Variants in PRKCE observed in about 807,000 individuals in gnomAD.
PRKCE encodes protein kinase C epsilon.
Under a neutral mutation model 85.4 loss-of-function variants are expected in PRKCE, and 16 were observed. The ratio of observed to expected loss-of-function variants is 0.19; its 90% CI spans 0.13 to 0.28. The LOEUF is 0.28. Ranked by LOEUF, PRKCE falls within the 10% of genes least tolerant of loss-of-function variation. The probability of loss-of-function intolerance (pLI) is 1.00; values close to 1 mark genes in which losing one functional copy is unlikely to be tolerated. For missense variants in PRKCE, 573 were observed against 975.2 expected, an observed-to-expected ratio of 0.59 and a Z score of 5.49; for synonymous variants, 388 against 371.5, an observed-to-expected ratio of 1.04 and a Z score of -0.51.
intron 2 of PRKCE, among the ~76,000 whole-genome samples, chr2:45,943,510 T>A (rs1044337093): frequency 1.3e-5 from 2 of 152,234 alleles, no homozygotes; most frequent in African/African-American, 4.8e-5. Flanking sequence ...TAATTTAGTT[T>A]TACAAGATTA....
intron 1 of PRKCE, among the ~76,000 whole-genome samples, chr2:45,660,792 T>G (rs666214): frequency 0.88 from 134,080 of 152,238 alleles, 59,283 homozygotes; most frequent in African/African-American, 0.96. Context: ...CTAATCAGCA[T>G]GGTTGCACCT....
At chr2:45,921,920 G>GTA (rs1698278118) in intron 2 of PRKCE, among the ~76,000 whole-genome samples, 1 of 152,188 alleles carries the variant, frequency 6.6e-6, no homozygotes, top group African/African-American at 2.4e-5. Context: ...ATTTGGTTTA[G>GTA]TAGTGGAGAT....
intron 11 of PRKCE, among the ~76,000 whole-genome samples, chr2:46,091,826 C>G (rs904328890): frequency 6.6e-6 from 1 of 152,190 alleles, no homozygotes; most frequent in Non-Finnish European, 1.5e-5. Flanking sequence ...TTATCCATCC[C>G]GGTCTCCAAA....
intron 1 of PRKCE, among the ~76,000 whole-genome samples, chr2:45,795,570 A>C (rs1687374525): frequency 6.6e-6 from 1 of 152,168 alleles, no homozygotes; most frequent in South Asian, 2.1e-4. Flanking sequence ...TCAGCCTTCC[A>C]AAATGCTGGG....
At chr2:45,849,106 C>T (rs527901500) in intron 2 of PRKCE, among the ~76,000 whole-genome samples, 2 of 152,308 alleles carry the variant, frequency 1.3e-5, no homozygotes, top group South Asian at 4.1e-4. Flanking sequence ...GTATTGCAGG[C>T]AGAAATTTTC....
intron 1 of PRKCE, among the ~76,000 whole-genome samples, chr2:45,828,729 A>G (rs373203718): frequency 6.6e-6 from 1 of 152,148 alleles, no homozygotes; most frequent in Non-Finnish European, 1.5e-5. Flanking sequence ...TTACCTATAA[A>G]TGAGAGGAGT....
At position 46,165,355 on chromosome 2, in the gene PRKCE, G is replaced by A. The variant is rs138106833; in HGVS notation, c.2067+5603G>A. The stretch of plus-strand genomic sequence containing the variant: ...CCATCAACACCAAACCAAAGACTTT[G>A]CACCATCATGTACTCAAGTCAATTT... On this transcript the variant is annotated intron_variant, in intron 14 of 14. Transcript: ENST00000306156. Among the ~76,000 whole-genome samples the A allele has an allele frequency of 7.3e-4, 111 of 152,318 alleles. No individual in the cohort carries two copies. The East Asian group carries it at 0.012, about 17-fold the overall frequency.
chr2:45,858,846 G>C (rs1259562954), intron 2 of PRKCE, among the ~76,000 whole-genome samples: 1 of 151,972 alleles, frequency 6.6e-6, no homozygotes, highest in East Asian at 1.9e-4. Flanking sequence ...TTTGAGACCA[G>C]CCTGGCCAAC....
intron 1 of PRKCE, among the ~76,000 whole-genome samples, chr2:45,655,335 C>A (rs1166987491): frequency 6.7e-6 from 1 of 149,896 alleles, no homozygotes; most frequent in Non-Finnish European, 1.5e-5. Flanking sequence ...TTTCCTAAAA[C>A]GTTATAAGTT....
At chr2:45,768,154 C>A (rs763813222) in intron 1 of PRKCE, among the ~76,000 whole-genome samples, 1 of 152,212 alleles carries the variant, frequency 6.6e-6, no homozygotes, top group Non-Finnish European at 1.5e-5. Flanking sequence ...TCTTCTCCTC[C>A]AGATGTTTCC....
At chr2:45,869,704 C>CT (rs1246509613) in intron 2 of PRKCE, among the ~76,000 whole-genome samples, 45 of 116,886 alleles carry the variant, frequency 3.8e-4, no homozygotes, top group South Asian at 9.5e-4. Context: ...GTTTCTCTCT[C>CT]TCTTTTTTTT....
chr2:46,026,117 T>C (rs1707091267), intron 10 of PRKCE, among the ~76,000 whole-genome samples: 1 of 152,244 alleles, frequency 6.6e-6, no homozygotes, highest in Non-Finnish European at 1.5e-5. Context: ...GAAGACACTA[T>C]TGAGCATGAA....
rs538198653 is a variant in PRKCE, at chr2:45,895,042, A to T, written c.412+51979A>T. 6.6e-6 allele frequency among the ~76,000 whole-genome samples: 1 copy of T among 152,354 alleles called. No individual in the cohort carries two copies. Among genetic ancestry groups the T allele is most frequent in the Non-Finnish European group, 1.5e-5 (1 of 68,036 alleles). Reference sequence around the variant, plus strand: ...CCCCGTTCGTTTGTTTTGAGTGAACACATAAATGTCATCAATGATTCCGTC... The same window carrying T: ...CCCCGTTCGTTTGTTTTGAGTGAACTCATAAATGTCATCAATGATTCCGTC... On this transcript the variant is annotated intron_variant, in intron 2 of 14. Transcript: ENST00000306156. The surrounding 1 kb of genome is among the most constrained non-coding windows in gnomAD (Gnocchi z 4.8).
At chr2:46,153,953 A>AT (rs1202393020) in intron 13 of PRKCE, among the ~76,000 whole-genome samples, 1 of 151,448 alleles carries the variant, frequency 6.6e-6, no homozygotes, top group Non-Finnish European at 1.5e-5. Flanking sequence ...TGCCTGGCTA[A>AT]TTTTTGTATT....
rs1450225790 is a variant in PRKCE, at chr2:46,004,897, A to C, written c.1063+259A>C. On this transcript the variant is annotated intron_variant, in intron 8 of 14. Transcript: ENST00000306156. The surrounding 1 kb of genome is among the most constrained non-coding windows in gnomAD (Gnocchi z 4.1). Reference sequence around the variant, plus strand: ...AAGAGGAGAGCGAGTGTATGATGTTATGGTTATCTGTTTTCCCTTGCCTCT... The same window carrying C: ...AAGAGGAGAGCGAGTGTATGATGTTCTGGTTATCTGTTTTCCCTTGCCTCT... 1.3e-5 allele frequency among the ~76,000 whole-genome samples: 2 copies of C among 151,954 alleles called. No individual in the cohort carries two copies. The highest frequency in any genetic ancestry group is 4.8e-5 in the African/African-American group (2 of 41,354).
chr2:45,893,353 C>CTTTTTTTTTTT (rs61708342), intron 2 of PRKCE, among the ~76,000 whole-genome samples: 2 of 136,408 alleles, frequency 1.5e-5, no homozygotes, highest in Non-Finnish European at 3.1e-5. Flanking sequence ...CTTTTCTTTT[C>CTTTTTTTTTTT]TTTTTTTTTT....
intron 11 of PRKCE, among the ~76,000 whole-genome samples, chr2:46,137,452 T>G (rs2104443942): frequency 6.6e-6 from 1 of 152,170 alleles, no homozygotes; most frequent in Middle Eastern, 3.4e-3. Flanking sequence ...GCTAGAGACA[T>G]GAACAGTCAG....
At chr2:45,656,081 G>C (rs946319258) in intron 1 of PRKCE, among the ~76,000 whole-genome samples, 4 of 152,106 alleles carry the variant, frequency 2.6e-5, no homozygotes, top group African/African-American at 9.7e-5. Context: ...GAAAGGAGTG[G>C]GCAGGACAAG....
rs578050347 is a variant in PRKCE at position 45,755,205 on chromosome 2, G to A, written c.349-87795G>A. Among the ~76,000 whole-genome samples, 15 of 152,286 alleles carry A rather than the reference G, an allele frequency of 9.8e-5. No individual in the cohort carries two copies. In the East Asian group the frequency reaches 2.5e-3, roughly 25 times the overall value. ...CACATTGTATAAGGTCGCCAACCAC[G>A]TTGTATAATAATGGGCTGGTGCGTA... On this transcript the variant is annotated intron_variant, in intron 1 of 14. Coordinates refer to ENST00000306156, the MANE Select transcript of PRKCE (RefSeq NM_005400.3).
Sources: gnomAD v4.1 joint callset for allele counts (sites outside exome capture counted in the v4.1 genomes callset) on GRCh38, gnomAD v4.1.1 for gene constraint, Gnocchi (gnomAD v3.1) non-coding constraint, MANE v1.5 for transcripts, NCBI Gene and HGNC (gene_info 2026-07-23, HGNC 2026-07-21) for gene names.